Variants in DENND5B observed in about 807,000 individuals in gnomAD.
The protein encoded by DENND5B is DENN domain containing 5B.
In DENND5B, 34 loss-of-function variants were observed where a neutral mutation model predicts 140.6. That is an observed-to-expected ratio of 0.24 (90% confidence interval 0.18 to 0.32). The LOEUF (loss-of-function observed/expected upper bound fraction) is 0.32, where lower values mean the gene tolerates loss of function less well. Among genes scored for constraint, DENND5B ranks in the 10% least tolerant of loss-of-function variants. The probability of loss-of-function intolerance (pLI) is 1.00; values close to 1 mark genes in which losing one functional copy is unlikely to be tolerated. For synonymous variants in DENND5B, 551 were observed against 562.1 expected, an observed-to-expected ratio of 0.98 and a Z score of 0.28; for missense variants, 1,142 against 1,560.2, an observed-to-expected ratio of 0.73 and a Z score of 4.52.
chr12:31,393,661 T>C (rs78646701), intron 17 of DENND5B, among the ~76,000 whole-genome samples: 3,110 of 152,286 alleles, frequency 0.02, 54 homozygotes, highest in South Asian at 0.054. Context: ...TCTGAATTCA[T>C]ACTGCTCAAG....
intron 1 of DENND5B, among the ~76,000 whole-genome samples, chr12:31,539,891 G>A (rs1592008108): frequency 6.6e-6 from 1 of 152,044 alleles, no homozygotes; most frequent in African/African-American, 2.4e-5. Context: ...AATCAGACAA[G>A]AGAAAGATAT....
chr12:31,572,262 T>C (rs938736196), intron 1 of DENND5B, among the ~76,000 whole-genome samples: 6 of 152,148 alleles, frequency 3.9e-5, no homozygotes, highest in Middle Eastern at 3.4e-3. Context: ...AAGCACATAT[T>C]GCCTTTTGTT....
intron 3 of DENND5B, among the ~76,000 whole-genome samples, chr12:31,464,389 C>A (rs561479045): frequency 4.6e-5 from 7 of 152,266 alleles, no homozygotes; most frequent in South Asian, 2.1e-4. Flanking sequence ...CCTAACACTT[C>A]TTATTATCAC....
chr12:31,461,782 G>T (rs1945033124), intron 3 of DENND5B, among the ~76,000 whole-genome samples: 1 of 152,036 alleles, frequency 6.6e-6, no homozygotes, highest in Non-Finnish European at 1.5e-5. Context: ...ATGGATTGTG[G>T]GCTTGTAATA....
At chr12:31,501,656 C>G (rs1001276753) in intron 1 of DENND5B, among the ~76,000 whole-genome samples, 3 of 151,702 alleles carry the variant, frequency 2.0e-5, no homozygotes, top group Admixed American at 6.6e-5. Context: ...GCCTGTAGTC[C>G]CAGCTACTTG....
chr12:31,497,898 G>A (rs1238757587), intron 1 of DENND5B, among the ~76,000 whole-genome samples: 2 of 65,946 alleles, frequency 3.0e-5, no homozygotes, highest in African/African-American at 1.2e-4. Flanking sequence ...GAGGGGCAAG[G>A]GGAGGGGTAG....
rs1946745252 is a variant in DENND5B, at chr12:31,495,923, C to G, written c.128-4G>C. 6.3e-7 allele frequency: 1 copy of G among 1,591,088 alleles called. No individual in the cohort carries two copies. Among genetic ancestry groups the G allele is most frequent in the Admixed American group, 1.8e-5 (1 of 56,310 alleles). ...GGACTCTGGTCAAAATTTTCGCCTA[C>G]AACAAATAATACATAGTTAATATCT... On this transcript the variant is annotated splice_region_variant and splice_polypyrimidine_tract_variant and intron_variant, in intron 1 of 20. Transcript: ENST00000389082.
At chr12:31,516,578 A>G (rs541285591) in intron 1 of DENND5B, among the ~76,000 whole-genome samples, 3 of 151,640 alleles carry the variant, frequency 2.0e-5, no homozygotes, top group African/African-American at 7.3e-5. Context: ...TTCATCATTG[A>G]TGATAGCAGT....
chr12:31,585,524 T>A (rs1233347637), intron 1 of DENND5B, among the ~76,000 whole-genome samples: 1 of 152,204 alleles, frequency 6.6e-6, no homozygotes, highest in East Asian at 1.9e-4. Flanking sequence ...GTCAAGCTCA[T>A]CTTTTTTCTG....
chr12:31,460,270 T>C lies in DENND5B; in HGVS notation c.1016A>G (p.Asp339Gly). The change falls in exon 4 of 21, where the codon GAT becomes GGT. Residue 339 changes from aspartate to glycine, a missense_variant. Physicochemically the swap from Asp to Gly is moderately conservative, Grantham distance 94. Around this residue, in one of 5 missense-constraint regions of DENND5B, gnomAD observed 708 missense variants for 905.5 expected, o/e 0.78. Transcript: ENST00000389082. ...GCCCATCAGATAAGGGACAGGAGCA[T>C]CAAGAAAATGTAGCAGAGAAGCAGG... ...ILPASLLHFL[D>G]APVPYLMGLQ... 6.2e-7 allele frequency: 1 copy of C among 1,613,898 alleles called. No individual in the cohort carries two copies. The highest frequency in any genetic ancestry group is 8.5e-7 in the Non-Finnish European group (1 of 1,179,872).
At chr12:31,390,998 A>T (rs887786006) in intron 19 of DENND5B, among the ~76,000 whole-genome samples, 1 of 152,246 alleles carries the variant, frequency 6.6e-6, no homozygotes, top group Admixed American at 6.5e-5. Flanking sequence ...CCTGGGCAGT[A>T]GAGTGAGTCT....
intron 13 of DENND5B, 45 bp downstream of exon 13, chr12:31,413,391 C>T (rs371755580): frequency 1.9e-6 from 3 of 1,589,310 alleles, no homozygotes; most frequent in South Asian, 2.3e-5. Context: ...GTTTTGTATG[C>T]ACATGGATTA....
rs1940838252 is a variant in DENND5B at position 31,386,019 on chromosome 12, GT to G, written c.*1583del. The G allele has an allele frequency of 6.5e-6, 1 of 152,792 alleles. No homozygotes were observed. Among genetic ancestry groups the G allele is most frequent in the Non-Finnish European group, 1.5e-5 (1 of 68,154 alleles). The allele number at this position is 152,792 out of a possible 1,614,324, so 9.5% of individuals were successfully genotyped here. ...AGCTGTCAACTCTCCTTTTCCTCAA[GT>G]ATGAAGTCACATGTTAAAAGAGGCT... is the stretch of plus-strand genomic sequence containing the variant. On this transcript the variant is annotated 3_prime_UTR_variant, in exon 21 of 21. Coordinates refer to ENST00000389082, the MANE Select transcript of DENND5B (RefSeq NM_144973.4).
intron 1 of DENND5B, among the ~76,000 whole-genome samples, chr12:31,514,686 G>A (rs374362499): frequency 3.0e-4 from 46 of 152,064 alleles, no homozygotes; most frequent in African/African-American, 9.4e-4. Context: ...GTGTGGTGGC[G>A]CGTGCCTGTA....
intron 1 of DENND5B, chr12:31,540,952 G>A (rs1425488512): frequency 1.6e-5 from 7 of 447,496 alleles, no homozygotes; most frequent in Admixed American, 1.5e-4. Context: ...ATACAATGGA[G>A]AAAGGACAGT....
chr12:31,427,953 T>C (rs1173710112), intron 8 of DENND5B, among the ~76,000 whole-genome samples: 1 of 152,152 alleles, frequency 6.6e-6, no homozygotes, highest in Non-Finnish European at 1.5e-5. Context: ...CTAAGTCTGG[T>C]ACAAATAAAA....
chr12:31,473,585 G>A (rs931741899), intron 3 of DENND5B, among the ~76,000 whole-genome samples: 3 of 152,118 alleles, frequency 2.0e-5, no homozygotes, highest in Non-Finnish European at 2.9e-5. Flanking sequence ...GGCTTATGTC[G>A]AAAGCCTGCG....
Position 31,446,004 on chromosome 12 carries a change from T to C in DENND5B, c.1861+1534A>G, listed in dbSNP as rs561642809. 2.9e-4 allele frequency among the ~76,000 whole-genome samples: 42 copies of C among 144,856 alleles called. No homozygotes were observed. In the South Asian group the frequency reaches 9.4e-3, roughly 32 times the overall value. On this transcript the variant is annotated intron_variant, in intron 6 of 20. Coordinates refer to ENST00000389082, the MANE Select transcript of DENND5B (RefSeq NM_144973.4). ...AGCCTAGGCAACAAGTGAGACCCTG[T>C]CTCAAAAGAAAAAAAAAAAAATTCG...
chr12:31,423,910 C>T (rs1340709404), intron 10 of DENND5B, among the ~76,000 whole-genome samples: 1 of 152,166 alleles, frequency 6.6e-6, no homozygotes, highest in Non-Finnish European at 1.5e-5. Context: ...AAAGGGCCAG[C>T]ATGGCAGGCA....
Sources: gnomAD v4.1 joint callset for allele counts (sites outside exome capture counted in the v4.1 genomes callset) on GRCh38, gnomAD v4.1.1 for gene constraint, gnomAD v4.1.1 regional missense constraint, MANE v1.5 for transcripts, NCBI Gene and HGNC (gene_info 2026-07-23, HGNC 2026-07-21) for gene names.